The following MAMLD1 variants were observed in gnomAD, a reference collection of about 807,000 sequenced individuals.
MAMLD1 encodes mastermind like domain containing 1.
Under a neutral mutation model 45.0 loss-of-function variants are expected in MAMLD1, and 14 were observed. That is an observed-to-expected ratio of 0.31 (90% CI 0.21 to 0.49). MAMLD1 has a LOEUF of 0.49. Ranked by LOEUF, MAMLD1 falls within the 20% of genes least tolerant of loss-of-function variation. The probability of loss-of-function intolerance (pLI) is 0.99; values close to 1 mark genes in which losing one functional copy is unlikely to be tolerated. For missense variants in MAMLD1, 543 were observed against 603.6 expected (o/e 0.90, Z 1.05); for synonymous variants, 254 against 247.8 (o/e 1.02, Z -0.24).
At chrX:150,490,747 C>G (rs895537900) in intron 5 of MAMLD1, among the ~76,000 whole-genome samples, 4 of 111,409 alleles carry the variant, frequency 3.6e-5, no homozygotes, top group Non-Finnish European at 7.5e-5. Flanking sequence ...GAAGGTACAC[C>G]AATATTCCTT....
rs188230605 is a variant in MAMLD1 at position 150,435,243 on chromosome X, C to T, written c.-63-10211C>T. Among the ~76,000 whole-genome samples, 16 of 111,315 alleles carry T rather than the reference C, an allele frequency of 1.4e-4. No individual in the cohort carries two copies. In the East Asian group the frequency reaches 4.3e-3, roughly 30 times the overall value. On this transcript the variant is annotated intron_variant, in intron 1 of 7. Coordinates refer to ENST00000370401, the MANE Select transcript of MAMLD1 (RefSeq NM_005491.5). ...AAGAATAGCAACCCCTGGCCAGGCA[C>T]GGTGGCTCACATCTGTAATCCCAGC...
At chrX:150,439,764 G>A (rs782541049) in intron 1 of MAMLD1, among the ~76,000 whole-genome samples, 13 of 111,235 alleles carry the variant, frequency 1.2e-4, no homozygotes, top group African/African-American at 3.3e-4. Context: ...GCAAAACACC[G>A]TCTCTACCAA....
chrX:150,473,271 G>A (rs1557406670), intron 4 of MAMLD1, among the ~76,000 whole-genome samples: 2 of 112,261 alleles, frequency 1.8e-5, no homozygotes, highest in East Asian at 2.8e-4. Context: ...CATCCCTCCA[G>A]GAAGCTTTTC....
intron 1 of MAMLD1, among the ~76,000 whole-genome samples, chrX:150,373,743 T>C (rs782746896): frequency 8.0e-5 from 9 of 111,950 alleles, no homozygotes; most frequent in Non-Finnish European, 1.5e-4. Flanking sequence ...CCTAGAAAGA[T>C]GCCATCCTCA....
intron 6 of MAMLD1, chrX:150,509,719 G>A (rs2037844230): frequency 2.5e-6 from 1 of 397,949 alleles, no homozygotes; most frequent in East Asian, 4.2e-5. Context: ...ATTAAGTTCT[G>A]TCTCTCCTGC....
chrX:150,390,560 G>C (rs1419727424), intron 1 of MAMLD1, among the ~76,000 whole-genome samples: 2 of 112,192 alleles, frequency 1.8e-5, no homozygotes, highest in Admixed American at 9.4e-5. Context: ...TTCGAGTGAA[G>C]TGTGGAAATT....
chrX:150,441,602 T>C (rs1212253773), intron 1 of MAMLD1, among the ~76,000 whole-genome samples: 1 of 111,321 alleles, frequency 9.0e-6, no homozygotes, highest in East Asian at 2.8e-4. Flanking sequence ...GATTTTCAAG[T>C]TGTCTCTCTG....
intron 5 of MAMLD1, among the ~76,000 whole-genome samples, chrX:150,487,525 T>C (rs189549722): frequency 2.7e-4 from 30 of 112,133 alleles, no homozygotes; most frequent in African/African-American, 9.4e-4. Flanking sequence ...CCCAAGGACA[T>C]CCAACATTTT....
intron 7 of MAMLD1, 23 bp from the exon 8 acceptor site, chrX:150,511,981 C>T (rs1462998272): frequency 9.5e-7 from 1 of 1,052,976 alleles, no homozygotes; most frequent in Non-Finnish European, 1.2e-6. Flanking sequence ...AACTCATCCC[C>T]ACTTCTCTCT....
chrX:150,499,830 A>G (rs1337444493), intron 5 of MAMLD1, among the ~76,000 whole-genome samples: 3 of 111,950 alleles, frequency 2.7e-5, no homozygotes, highest in Non-Finnish European at 5.6e-5. Flanking sequence ...CCATATGATT[A>G]TGATCACTCT....
chrX:150,403,994 A>AGGG (rs2033927813), intron 1 of MAMLD1, among the ~76,000 whole-genome samples: 1 of 91,615 alleles, frequency 1.1e-5, no homozygotes, highest in African/African-American at 4.2e-5. Context: ...GAAAGAAAGA[A>AGGG]AGAAGAAAGG....
chrX:150,453,441 G>A (rs1557405161), intron 2 of MAMLD1, among the ~76,000 whole-genome samples: 1 of 111,423 alleles, frequency 9.0e-6, no homozygotes, highest in African/African-American at 3.3e-5. Flanking sequence ...CCCATTTCAG[G>A]TAGAATTACA....
chrX:150,454,171 C>T (rs935702253), intron 2 of MAMLD1, among the ~76,000 whole-genome samples: 1 of 112,271 alleles, frequency 8.9e-6, no homozygotes, highest in African/African-American at 3.2e-5. Context: ...AGTTGTCTAG[C>T]CTTAGGGCTG....
In MAMLD1 at chrX:150,470,435, A is replaced by C. The variant is rs781789326; in HGVS notation, c.862A>C (p.Met288Leu). 1.7e-5 allele frequency: 20 copies of C among 1,210,464 alleles called. No homozygotes were observed. Among genetic ancestry groups the C allele is most frequent in the Middle Eastern group, 2.3e-4 (1 of 4,375 alleles). The change falls in exon 4 of 8, where the codon ATG (methionine) becomes CTG (leucine). Residue 288 changes from methionine (M) to leucine (L), a missense_variant. By Grantham distance (15) the Met-to-Leu change is conservative (BLOSUM62 2). Transcript: ENST00000370401. ...ACAGTCCAAGAGCCAGGTCCAGGCC[A>C]TGCTCCCTGTCGCTCTGCCCCCCTT... is the stretch of plus-strand genomic sequence containing the variant. ...MAQSKSQVQA[M>L]LPVALPPLPV...
chrX:150,513,147 T>G lies in MAMLD1; in HGVS notation c.*1188T>G. ...AAGTGGTGTCGATCCATACCCGCAG[T>G]TGTCTCCCGTTACAATTTGAGTGGT... On this transcript the variant is annotated 3_prime_UTR_variant, in exon 8 of 8. Transcript: ENST00000370401. 2 of 873,464 alleles carry G rather than the reference T, an allele frequency of 2.3e-6. No individual in the cohort carries two copies. Among genetic ancestry groups the G allele is most frequent in the Non-Finnish European group, 3.1e-6 (2 of 638,678 alleles). 72.0% of individuals were successfully genotyped at this position (873,464 alleles called of 1,213,427 possible).
intron 1 of MAMLD1, among the ~76,000 whole-genome samples, chrX:150,389,911 T>C (rs782611406): frequency 3.8e-4 from 43 of 112,415 alleles, no homozygotes; most frequent in Non-Finnish European, 6.6e-4. Flanking sequence ...TTTTCTTTGC[T>C]CTGAAGTCTT....
chrX:150,468,978 A>AGTGTGTGTGTGTGTGTGT (rs67617988), intron 3 of MAMLD1, among the ~76,000 whole-genome samples: 36 of 100,720 alleles, frequency 3.6e-4, no homozygotes, highest in African/African-American at 1.1e-3. Context: ...AATGTGTGAG[A>AGTGTGTGTGTGTGTGTGT]GTGTGTGTGT....
In MAMLD1 at chrX:150,470,024, A is replaced by G. The variant is rs138334535; in HGVS notation, c.451A>G (p.Thr151Ala). ...MGSPFVVPQT[T>A]EVGLKGPTVP... ...CTCACCATTTGTAGTACCACAGACT[A>G]CAGAAGTGGGACTGAAAGGGCCCAC... is the stretch of plus-strand genomic sequence containing the variant. Residue 151 changes from threonine (T) to alanine (A), a missense_variant, in exon 4 of 8, where the codon ACA becomes GCA. Physicochemically the swap from Thr to Ala is moderately conservative, Grantham distance 58. Coordinates refer to ENST00000370401, the MANE Select transcript of MAMLD1 (RefSeq NM_005491.5). The G allele has an allele frequency of 2.3e-4, 274 of 1,210,105 alleles. No homozygotes were observed. Among genetic ancestry groups the G allele is most frequent in the Non-Finnish European group, 3.0e-4 (270 of 895,225 alleles).
intron 2 of MAMLD1, among the ~76,000 whole-genome samples, chrX:150,452,895 T>C (rs934920996): frequency 1.8e-5 from 2 of 109,979 alleles, no homozygotes; most frequent in Non-Finnish European, 3.8e-5. Flanking sequence ...GAATGATGAT[T>C]TCCAATTTCA....
Sources: allele counts gnomAD v4.1 joint callset (sites outside exome capture counted in the v4.1 genomes callset), GRCh38; gene constraint gnomAD v4.1.1; transcripts MANE v1.5; gene names NCBI Gene and HGNC (gene_info 2026-07-23, HGNC 2026-07-21).